Variants in NSD1 observed in about 807,000 individuals in gnomAD.
NSD1 encodes histone-lysine N-methyltransferase, H3 lysine-36 specific.
Under a neutral mutation model 242.7 loss-of-function variants are expected in NSD1, and 26 were observed. The ratio of observed to expected loss-of-function variants is 0.11; its 90% CI spans 0.08 to 0.15. NSD1 has a LOEUF of 0.15. NSD1 is among the 10% of genes least tolerant of loss of function. The pLI, the probability that NSD1 is intolerant of heterozygous loss-of-function variation, is 1.00. For synonymous variants in NSD1, 1,106 were observed against 1,178.1 expected, an observed-to-expected ratio of 0.94 and a Z score of 1.25; for missense variants, 2,495 against 3,272.8, an observed-to-expected ratio of 0.76 and a Z score of 5.80.
At chr5:177,198,132 C>A (rs1396880586) in intron 3 of NSD1, among the ~76,000 whole-genome samples, 2 of 152,114 alleles carry the variant, frequency 1.3e-5, no homozygotes, top group Non-Finnish European at 2.9e-5. Flanking sequence ...CTCCAGCACT[C>A]CTTCCACCTC....
intron 5 of NSD1, among the ~76,000 whole-genome samples, chr5:177,232,356 G>T (rs1765125294): frequency 6.6e-6 from 1 of 152,160 alleles, no homozygotes; most frequent in African/African-American, 2.4e-5. Flanking sequence ...TAGAGATGTT[G>T]TTTAAAATGC....
chr5:177,266,204 C>T, intron 14 of NSD1: 1 of 963,346 alleles, frequency 1.0e-6, no homozygotes, highest in Non-Finnish European at 1.7e-6. Context: ...TTAGCCCATC[C>T]ACTTGCTGAT....
At chr5:177,155,155 T>C (rs1285703189) in intron 2 of NSD1, among the ~76,000 whole-genome samples, 2 of 152,038 alleles carry the variant, frequency 1.3e-5, no homozygotes, top group Non-Finnish European at 2.9e-5. Flanking sequence ...CATGCTTGGC[T>C]AATTTTGTAT....
chr5:177,193,183 C>G (rs112313953), intron 3 of NSD1, among the ~76,000 whole-genome samples: 11,945 of 152,074 alleles, frequency 0.079, 986 homozygotes, highest in African/African-American at 0.21. Flanking sequence ...CTCTGTCTCC[C>G]AGGCTGGAGT....
At position 177,238,721 on chromosome 5, in the gene NSD1, C is replaced by T. The variant is rs1185097485; in HGVS notation, c.4192+214C>T. ...AGAAGATGTATTTTTAATAACTATG[C>T]TCCTTGCTCCAGTGTTGCTCTTCAT... is the stretch of plus-strand genomic sequence containing the variant. On this transcript the variant is annotated intron_variant, in intron 7 of 22. Coordinates refer to ENST00000439151, the MANE Select transcript of NSD1 (RefSeq NM_022455.5). This position sits in a 1 kb window ranked among gnomAD's most constrained non-coding sequence, Gnocchi z 4.6. Among the ~76,000 whole-genome samples, 1 of 152,164 alleles carries T rather than the reference C, an allele frequency of 6.6e-6. No individual in the cohort carries two copies. The highest frequency in any genetic ancestry group is 2.4e-5 in the African/African-American group (1 of 41,434).
At chr5:177,225,589 G>A (rs188197915) in intron 5 of NSD1, among the ~76,000 whole-genome samples, 23 of 151,874 alleles carry the variant, frequency 1.5e-4, no homozygotes, top group Admixed American at 6.6e-4. Flanking sequence ...TACTTTCACC[G>A]CCTTTATATA....
intron 17 of NSD1, among the ~76,000 whole-genome samples, chr5:177,275,136 A>C: frequency 6.6e-6 from 1 of 151,556 alleles, no homozygotes; most frequent in Non-Finnish European, 1.5e-5. Context: ...TATTGGATCG[A>C]GCATAGTTAA....
chr5:177,223,542 T>C (rs1165399836), intron 5 of NSD1, among the ~76,000 whole-genome samples: 4 of 151,868 alleles, frequency 2.6e-5, no homozygotes, highest in Admixed American at 6.6e-5. Flanking sequence ...CATAGCACTC[T>C]ACCCTGGGCG....
chr5:177,201,902 C>G (rs1413766799), intron 3 of NSD1, among the ~76,000 whole-genome samples: 4 of 151,702 alleles, frequency 2.6e-5, no homozygotes, highest in African/African-American at 9.7e-5. Context: ...CGCGGTGGCT[C>G]ACGCCTGTAA....
intron 3 of NSD1, among the ~76,000 whole-genome samples, chr5:177,196,449 A>G (rs890136250): frequency 6.6e-6 from 1 of 152,138 alleles, no homozygotes; most frequent in Non-Finnish European, 1.5e-5. Flanking sequence ...ATAAAAACAG[A>G]TGAGGAGGTA....
chr5:177,214,956 C>T (rs1763653187), intron 5 of NSD1, among the ~76,000 whole-genome samples: 1 of 152,184 alleles, frequency 6.6e-6, no homozygotes, highest in Non-Finnish European at 1.5e-5. Flanking sequence ...CCGCCTTGGC[C>T]TCCCAAAGTG....
Position 177,210,104 on chromosome 5 carries a change from C to A in NSD1, c.1705C>A (p.Leu569Met). 1 of 1,613,528 alleles carries A rather than the reference C, an allele frequency of 6.2e-7. No homozygotes were observed. The highest frequency in any genetic ancestry group is 8.5e-7 in the Non-Finnish European group (1 of 1,179,824). ...GTCCAACACTGCCCCAGGAAGTTTTCTGTTTTCTTCCTGTGGAAAAAACAC... is the reference window on the plus strand; with the variant it reads ...GTCCAACACTGCCCCAGGAAGTTTTATGTTTTCTTCCTGTGGAAAAAACAC... ...TGSNTAPGSF[L>M]FSSCGKNTAK... The change falls in exon 5 of 23, where the codon CTG (leucine) becomes ATG (methionine). Residue 569 changes from leucine to methionine, a missense_variant. Leu to Met is a conservative substitution (Grantham distance 15, BLOSUM62 2). Around this residue, in one of 19 missense-constraint regions of NSD1, gnomAD observed 515 missense variants for 467.0 expected, o/e 1.10. Coordinates refer to ENST00000439151, the MANE Select transcript of NSD1 (RefSeq NM_022455.5).
intron 2 of NSD1, among the ~76,000 whole-genome samples, chr5:177,157,424 G>T (rs760540031): frequency 6.6e-6 from 1 of 151,716 alleles, no homozygotes. Context: ...TTGGCCAGGC[G>T]CAGTGGCTCA....
intron 2 of NSD1, chr5:177,136,364 A>G (rs547061113): frequency 1.3e-5 from 3 of 228,750 alleles, no homozygotes; most frequent in Admixed American, 5.2e-5. Context: ...TTGGCCTGCC[A>G]GCACCATGAG....
At chr5:177,196,499 T>C (rs1328072275) in intron 3 of NSD1, among the ~76,000 whole-genome samples, 1 of 152,220 alleles carries the variant, frequency 6.6e-6, no homozygotes, top group African/African-American at 2.4e-5. Context: ...TAATGTTGAC[T>C]GAGGGAGAAT....
intron 2 of NSD1, among the ~76,000 whole-genome samples, chr5:177,142,075 A>G (rs1488047420): frequency 3.3e-5 from 5 of 152,040 alleles, no homozygotes; most frequent in African/African-American, 1.2e-4. Flanking sequence ...CTCAAGTGAT[A>G]CGCCTGCCTC....
chr5:177,143,200 G>T (rs560644806), intron 2 of NSD1, among the ~76,000 whole-genome samples: 1 of 151,826 alleles, frequency 6.6e-6, no homozygotes, highest in South Asian at 2.1e-4. Context: ...AGGTTGGTTG[G>T]TTTTTTTTCT....
intron 14 of NSD1, among the ~76,000 whole-genome samples, chr5:177,267,207 ACTACTTATGTGTCAGACG>A (rs1757564943): frequency 2.0e-5 from 3 of 152,200 alleles, no homozygotes; most frequent in Non-Finnish European, 4.4e-5. Flanking sequence ...ATATGGAGAT[ACTACTTATGTGTCAGACG>A]CTACTAGGTA....
At chr5:177,204,633 TG>T (rs931900984) in intron 4 of NSD1, among the ~76,000 whole-genome samples, 5 of 152,202 alleles carry the variant, frequency 3.3e-5, no homozygotes, top group Admixed American at 1.3e-4. Context: ...CCACTGTGCC[TG>T]GCCCGGCCTT....
Sources: gnomAD v4.1 joint callset for allele counts (sites outside exome capture counted in the v4.1 genomes callset) on GRCh38, gnomAD v4.1.1 for gene constraint, gnomAD v4.1.1 regional missense constraint, Gnocchi (gnomAD v3.1) non-coding constraint, MANE v1.5 for transcripts, NCBI Gene and HGNC (gene_info 2026-07-23, HGNC 2026-07-21) for gene names.